EP300: variants seen among roughly 807,000 people sequenced by gnomAD.
The protein encoded by EP300 is histone acetyltransferase p300.
Under a neutral mutation model 264.0 loss-of-function variants are expected in EP300, and 31 were observed. The observed-to-expected ratio is 0.12, with a 90% CI of 0.09 to 0.16. EP300 has a LOEUF of 0.16. EP300 is among the 10% of genes least tolerant of loss of function. The pLI is 1.00. For missense variants in EP300, 2,766 were observed against 3,052.9 expected (o/e 0.91, Z 2.21); for synonymous variants, 1,340 against 1,045.4 (o/e 1.28, Z -5.44).
At chr22:41,109,258 A>C (rs572086982) in intron 1 of EP300, among the ~76,000 whole-genome samples, 105 of 151,678 alleles carry the variant, frequency 6.9e-4, no homozygotes, top group Non-Finnish European at 1.4e-3. Context: ...TGTCTCAAAA[A>C]AAAAAAAAAA....
intron 1 of EP300, among the ~76,000 whole-genome samples, chr22:41,103,945 G>A (rs1278122399): frequency 1.5e-5 from 2 of 135,422 alleles, no homozygotes; most frequent in East Asian, 4.5e-4. Flanking sequence ...TTAACAAAGT[G>A]AATTGTTTAT....
chr22:41,167,932 G>A (rs554133096), intron 23 of EP300, among the ~76,000 whole-genome samples: 1 of 132,220 alleles, frequency 7.6e-6, no homozygotes, highest in African/African-American at 2.9e-5. Flanking sequence ...AGCGATTCTC[G>A]TGCCTCAGCC....
chr22:41,151,294 G>A (rs2059043388), intron 14 of EP300, among the ~76,000 whole-genome samples: 1 of 152,104 alleles, frequency 6.6e-6, no homozygotes, highest in African/African-American at 2.4e-5. Flanking sequence ...ATAAAATCAA[G>A]GATACTTCCA....
At chr22:41,132,286 C>CTTTT (rs532779902) in intron 6 of EP300, among the ~76,000 whole-genome samples, 10 of 56,780 alleles carry the variant, frequency 1.8e-4, no homozygotes, top group African/African-American at 5.4e-4. Flanking sequence ...TTCTTTCATT[C>CTTTT]TTTTTTTTTT....
rs1033535310 is a variant in EP300, at chr22:41,102,439, C to G, written c.94+9341C>G. The stretch of plus-strand genomic sequence containing the variant: ...AGGCTAGAAAGGAGACTGTGTGAGG[C>G]CAGGTATATCCTGTTCTGGGAACCT... On this transcript the variant is annotated intron_variant, in intron 1 of 30. Transcript: ENST00000263253. 2.0e-5 allele frequency among the ~76,000 whole-genome samples: 3 copies of G among 152,052 alleles called. No individual in the cohort carries two copies. In the South Asian group the frequency reaches 6.2e-4, roughly 32 times the overall value.
Position 41,137,601 on chromosome 22 carries a change from G to A in EP300, c.1623-52G>A, listed in dbSNP as rs2058959150. 10 of 1,611,172 alleles carry A rather than the reference G, an allele frequency of 6.2e-6. No homozygotes were observed. The South Asian group carries it at 1.1e-4, about 18-fold the overall frequency. ...ATCAGTGTCAGCTTGAATTAAATGA[G>A]GTCTTCTCCTACCTTTCTTCACTAA... is the stretch of plus-strand genomic sequence containing the variant. On this transcript the variant is annotated intron_variant, in intron 7 of 30. Transcript: ENST00000263253.
chr22:41,173,083 T>G (rs1039616852), intron 28 of EP300, among the ~76,000 whole-genome samples: 3 of 152,218 alleles, frequency 2.0e-5, no homozygotes, highest in Non-Finnish European at 4.4e-5. Context: ...AGCCAGAATT[T>G]AAGTTACTAA....
rs1310387572 is a variant in EP300 at position 41,129,375 on chromosome 22, T to C, written c.1169-515T>C. ...GTGAGAAGAGAATAAATTTTAAAGG[T>C]CTTCCCATGTGGTGATCCTCATAGA... On this transcript the variant is annotated intron_variant, in intron 4 of 30. Transcript: ENST00000263253. Among the ~76,000 whole-genome samples, 5 of 152,192 alleles carry C rather than the reference T, an allele frequency of 3.3e-5. No individual in the cohort carries two copies. In the South Asian group the frequency reaches 8.3e-4, roughly 25 times the overall value.
chr22:41,152,330 C>T lies in EP300; in HGVS notation c.3122C>T (p.Pro1041Leu), dbSNP rs1191694445. Reference protein sequence around the residue: ...STSATQSSPAPGQSKKKIFKP... With the variant: ...STSATQSSPALGQSKKKIFKP... ...TCAGCTACCCAGTCATCTCCGGCTCCAGGACAGTCAAAGAAAAAGAGTGAG... is the reference window on the plus strand; with the variant it reads ...TCAGCTACCCAGTCATCTCCGGCTCTAGGACAGTCAAAGAAAAAGAGTGAG... The change falls in exon 16 of 31, where the codon CCA becomes CTA. Residue 1041 changes from proline to leucine, a missense_variant. Pro to Leu is a moderately conservative substitution (Grantham distance 98, BLOSUM62 -3). Coordinates refer to ENST00000263253, the MANE Select transcript of EP300 (RefSeq NM_001429.4). 6.2e-7 allele frequency: 1 copy of T among 1,613,784 alleles called. No homozygotes were observed. The highest frequency in any genetic ancestry group is 1.1e-5 in the South Asian group (1 of 91,052).
intron 1 of EP300, among the ~76,000 whole-genome samples, chr22:41,094,761 GGTA>G (rs1240373736): frequency 2.0e-5 from 3 of 152,128 alleles, no homozygotes; most frequent in Admixed American, 6.6e-5. Context: ...GGTGTAACGT[GGTA>G]GTCGATTTTA....
chr22:41,126,196 T>A, intron 3 of EP300, 156 bp downstream of exon 3: 1 of 710,194 alleles, frequency 1.4e-6, no homozygotes. Flanking sequence ...AGGCTTGTGC[T>A]TCCTTTCCAT....
At chr22:41,122,633 TTTTTTGGTAATA>T (rs1192277353) in intron 2 of EP300, among the ~76,000 whole-genome samples, 1 of 152,144 alleles carries the variant, frequency 6.6e-6, no homozygotes, top group Non-Finnish European at 1.5e-5. Flanking sequence ...TTTTTTTTCA[TTTTTTGGTAATA>T]GTATAAAGAA....
intron 30 of EP300, 58 bp from the exon 31 acceptor site, chr22:41,176,715 T>TA: frequency 6.2e-7 from 1 of 1,613,370 alleles, no homozygotes; most frequent in Non-Finnish European, 8.5e-7. Context: ...ATATCTAAAA[T>TA]ACTTTTGAAT....
chr22:41,116,842 C>A (rs1034015028), intron 1 of EP300, among the ~76,000 whole-genome samples: 1 of 152,144 alleles, frequency 6.6e-6, no homozygotes, highest in African/African-American at 2.4e-5. Flanking sequence ...AGACAGATAG[C>A]TTCAGCTCAG....
At chr22:41,119,699 A>C (rs887552505) in intron 2 of EP300, among the ~76,000 whole-genome samples, 1 of 146,778 alleles carries the variant, frequency 6.8e-6, no homozygotes. Context: ...AATTTCTTTC[A>C]GAAACTGGGT....
Position 41,149,063 on chromosome 22 carries a change from A to G in EP300, c.2267A>G (p.Gln756Arg). 6.2e-7 allele frequency: 1 copy of G among 1,613,142 alleles called. No homozygotes were observed. Among genetic ancestry groups the G allele is most frequent in the East Asian group, 2.2e-5 (1 of 44,856 alleles). ...CCTATGGGCTATGGGCCTCGTATGC[A>G]ACAGCCTTCCAACCAGGGCCAGTTC... ...NPPMGYGPRMQQPSNQGQFLP... is the reference protein window; with the variant it reads ...NPPMGYGPRMRQPSNQGQFLP... The change falls in exon 13 of 31, where the codon CAA becomes CGA. Residue 756 changes from glutamine (Q) to arginine (R), a missense_variant. Gln to Arg is a conservative substitution (Grantham distance 43). Transcript: ENST00000263253.
chr22:41,177,198 C>A lies in EP300; in HGVS notation c.5487C>A (p.Arg1829=), dbSNP rs1234602247. 7 of 1,614,102 alleles carry A rather than the reference C, an allele frequency of 4.3e-6. No homozygotes were observed. Among genetic ancestry groups the A allele is most frequent in the Non-Finnish European group, 4.2e-6 (5 of 1,180,024 alleles). ...QHRLQQAQML[R]RRMASMQRTG... The stretch of plus-strand genomic sequence containing the variant: ...GACTACAGCAGGCCCAAATGCTTCG[C>A]AGGAGGATGGCCAGCATGCAGCGGA... Residue 1829 remains arginine (R), a synonymous_variant, in exon 31 of 31, where the codon CGC becomes CGA. Coordinates refer to ENST00000263253, the MANE Select transcript of EP300 (RefSeq NM_001429.4).
At chr22:41,134,907 T>C (rs1048653773) in intron 6 of EP300, among the ~76,000 whole-genome samples, 2 of 151,514 alleles carry the variant, frequency 1.3e-5, no homozygotes, top group Non-Finnish European at 3.0e-5. Context: ...TTTTTCTTTC[T>C]TTCTTTCTTT....
chr22:41,127,421 A>G, intron 3 of EP300, 66 bp from the exon 4 acceptor site: 1 of 1,595,340 alleles, frequency 6.3e-7, no homozygotes, highest in Non-Finnish European at 8.6e-7. Flanking sequence ...AAATATCCAC[A>G]TCTCTATTTA....
Sources: gnomAD v4.1 joint callset for allele counts (sites outside exome capture counted in the v4.1 genomes callset) on GRCh38, gnomAD v4.1.1 for gene constraint, MANE v1.5 for transcripts, NCBI Gene and HGNC (gene_info 2026-07-23, HGNC 2026-07-21) for gene names.